The following PSD3 variants were observed in gnomAD, a reference collection of about 807,000 sequenced individuals.
PSD3 encodes the protein pleckstrin and Sec7 domain containing 3.
PSD3 carries 49 observed loss-of-function variants against 105.5 expected under a neutral mutation model. The ratio of observed to expected loss-of-function variants is 0.46; its 90% CI spans 0.37 to 0.59. The LOEUF (loss-of-function observed/expected upper bound fraction) is 0.59. Among genes scored for constraint, PSD3 ranks in the 20% least tolerant of loss-of-function variants. PSD3 has a pLI of 0.00. For missense variants in PSD3, 1,561 were observed against 1,263.8 expected (o/e 1.24, Z -3.57); for synonymous variants, 557 against 457.8 (o/e 1.22, Z -2.77).
At chr8:18,668,035 G>C (rs1029921545) in intron 9 of PSD3, among the ~76,000 whole-genome samples, 5 of 152,070 alleles carry the variant, frequency 3.3e-5, no homozygotes, top group Admixed American at 1.3e-4. Flanking sequence ...CAAGCTCCGC[G>C]CGCAACCCGG....
chr8:18,653,484 G>A (rs1051002657), intron 10 of PSD3, among the ~76,000 whole-genome samples: 7 of 152,096 alleles, frequency 4.6e-5, no homozygotes, highest in African/African-American at 1.7e-4. Flanking sequence ...AAGGTTACAT[G>A]AGACTCAATA....
At chr8:18,645,443 T>C (rs1053521781) in intron 10 of PSD3, among the ~76,000 whole-genome samples, 6 of 152,244 alleles carry the variant, frequency 3.9e-5, no homozygotes, top group South Asian at 4.1e-4. Context: ...CAATTTTTCA[T>C]AACTATGGCA....
intron 9 of PSD3, among the ~76,000 whole-genome samples, chr8:18,711,924 G>C (rs1802280754): frequency 6.6e-6 from 1 of 151,786 alleles, no homozygotes; most frequent in African/African-American, 2.4e-5. Context: ...AATCATAATA[G>C]TCTCTCGGAC....
chr8:18,930,917 G>A (rs955156045), intron 2 of PSD3, among the ~76,000 whole-genome samples: 4 of 152,162 alleles, frequency 2.6e-5, no homozygotes, highest in Admixed American at 6.5e-5. Flanking sequence ...CCACCAGTGT[G>A]TACGAGCTCA....
At chr8:18,710,465 C>T (rs6987756) in intron 9 of PSD3, among the ~76,000 whole-genome samples, 1 of 151,966 alleles carries the variant, frequency 6.6e-6, no homozygotes, top group African/African-American at 2.4e-5. Flanking sequence ...GCAAGACAGG[C>T]AAATATTCAC....
At chr8:19,064,582 T>A (rs1003238985) in intron 1 of PSD3, among the ~76,000 whole-genome samples, 1 of 152,150 alleles carries the variant, frequency 6.6e-6, no homozygotes, top group Non-Finnish European at 1.5e-5. Context: ...ACCGAGATAA[T>A]CTAAACGCTG....
chr8:18,566,137 T>G (rs1237070174), intron 14 of PSD3, among the ~76,000 whole-genome samples: 2 of 152,066 alleles, frequency 1.3e-5, no homozygotes, highest in Non-Finnish European at 2.9e-5. Context: ...TCCAAATACA[T>G]GCTTAATTTT....
intron 8 of PSD3, among the ~76,000 whole-genome samples, chr8:18,771,264 A>G (rs781289108): frequency 2.6e-5 from 4 of 152,054 alleles, no homozygotes; most frequent in Admixed American, 6.5e-5. Context: ...CAGGCTTTTC[A>G]GCTTGAGGGT....
chr8:19,059,816 C>T (rs1828836035), intron 1 of PSD3, among the ~76,000 whole-genome samples: 1 of 152,192 alleles, frequency 6.6e-6, no homozygotes, highest in Non-Finnish European at 1.5e-5. Context: ...TCCCAACCTG[C>T]CAGGGTGCCC....
intron 15 of PSD3, among the ~76,000 whole-genome samples, chr8:18,547,976 T>G (rs1208917418): frequency 1.3e-5 from 2 of 152,220 alleles, no homozygotes; most frequent in Non-Finnish European, 2.9e-5. Context: ...CCTGTAGATT[T>G]CTTTCTCCCT....
intron 9 of PSD3, among the ~76,000 whole-genome samples, chr8:18,726,203 G>C (rs1585741776): frequency 2.0e-5 from 3 of 152,296 alleles, no homozygotes; most frequent in African/African-American, 7.2e-5. Context: ...ATGAATCACT[G>C]GCCTCTGTTT....
At chr8:18,963,940 G>T (rs544497587) in intron 1 of PSD3, among the ~76,000 whole-genome samples, 2 of 152,228 alleles carry the variant, frequency 1.3e-5, no homozygotes, top group South Asian at 2.1e-4. Flanking sequence ...TTTGTTTCAG[G>T]TAATTTAGCC....
intron 11 of PSD3, among the ~76,000 whole-genome samples, chr8:18,613,059 A>T (rs1022797793): frequency 2.0e-5 from 3 of 152,156 alleles, no homozygotes; most frequent in Non-Finnish European, 4.4e-5. Flanking sequence ...GGTTACCGGA[A>T]ACGTGTGTGG....
intron 8 of PSD3, among the ~76,000 whole-genome samples, chr8:18,787,250 C>A (rs115038700): frequency 0.012 from 1,877 of 152,190 alleles, 30 homozygotes; most frequent in African/African-American, 0.043. Context: ...CAGTTGCATG[C>A]CAATAAAGTA....
At chr8:18,614,568 G>A (rs1222258550) in intron 11 of PSD3, among the ~76,000 whole-genome samples, 2 of 152,036 alleles carry the variant, frequency 1.3e-5, no homozygotes, top group Non-Finnish European at 2.9e-5. Flanking sequence ...AACAAATAAG[G>A]CTTAATACAT....
chr8:18,890,824 G>A (rs1242406529), intron 2 of PSD3, among the ~76,000 whole-genome samples: 2 of 151,944 alleles, frequency 1.3e-5, no homozygotes, highest in East Asian at 1.9e-4. Flanking sequence ...TAAGGGTGGG[G>A]GAGGGGGAAC....
At chr8:18,541,363 C>T (rs552179287) in intron 15 of PSD3, among the ~76,000 whole-genome samples, 4 of 152,044 alleles carry the variant, frequency 2.6e-5, no homozygotes, top group East Asian at 3.9e-4. Context: ...ATTTTGAACT[C>T]GTAATATGGC....
At chr8:18,927,503 C>T (rs550022239) in intron 2 of PSD3, among the ~76,000 whole-genome samples, 5 of 152,304 alleles carry the variant, frequency 3.3e-5, no homozygotes, top group East Asian at 1.9e-4. Flanking sequence ...TGAACCACCA[C>T]GCCCACCCCT....
At chr8:18,646,610 A>C (rs1370877382) in intron 10 of PSD3, among the ~76,000 whole-genome samples, 1 of 152,134 alleles carries the variant, frequency 6.6e-6, no homozygotes, top group Admixed American at 6.5e-5. Context: ...AAAATGAAAA[A>C]CTTAAATGAA....
Sources: allele counts gnomAD v4.1 joint callset (sites outside exome capture counted in the v4.1 genomes callset), GRCh38; gene constraint gnomAD v4.1.1; transcripts MANE v1.5; gene names NCBI Gene and HGNC (gene_info 2026-07-23, HGNC 2026-07-21).